Variants in TMEM256 observed in about 807,000 individuals in gnomAD.
TMEM256 encodes the protein UPF0451 protein C17orf61.
TMEM256 carries 14 observed loss-of-function variants against 14.8 expected under a neutral mutation model. That is an observed-to-expected ratio of 0.95 (90% confidence interval 0.63 to 1.48). The LOEUF is 1.48. Among genes scored for constraint, TMEM256 ranks in the 40% most tolerant of loss-of-function variants. The probability of loss-of-function intolerance (pLI) is 0.00; values close to 1 mark genes in which losing one functional copy is unlikely to be tolerated. For synonymous variants in TMEM256, 68 were observed against 60.7 expected (o/e 1.12, Z -0.56); for missense variants, 146 against 137.9 (o/e 1.06, Z -0.30).
chr17:7,403,449 G>A, intron 2 of TMEM256, 59 bp from the exon 3 acceptor site: 1 of 1,553,488 alleles, frequency 6.4e-7, no homozygotes, highest in Non-Finnish European at 8.9e-7. Flanking sequence ...GAGATCCCCT[G>A]ATGACACAAG....
chr17:7,403,679 G>C lies in TMEM256; in HGVS notation c.96C>G (p.Phe32Leu), dbSNP rs1464540403. ...FASYGAHGAQFPDAYGKELFD... is the reference protein window; with the variant it reads ...FASYGAHGAQLPDAYGKELFD... Reference sequence around the variant, plus strand: ...TCACCTCCTTCCCGTAGGCATCTGGGAATTGGGCGCCTGTGGAGAAAAGAA... The same window carrying C: ...TCACCTCCTTCCCGTAGGCATCTGGCAATTGGGCGCCTGTGGAGAAAAGAA... Residue 32 changes from phenylalanine to leucine, a missense_variant, in exon 2 of 4, where the codon TTC becomes TTG. Physicochemically the swap from Phe to Leu is conservative, Grantham distance 22 (BLOSUM62 0). Transcript: ENST00000302422. 6.2e-7 allele frequency: 1 copy of C among 1,613,492 alleles called. No individual in the cohort carries two copies. Among genetic ancestry groups the C allele is most frequent in the African/African-American group, 1.3e-5 (1 of 74,648 alleles).
In TMEM256 at chr17:7,402,998, C is replaced by T; in HGVS notation, c.*68G>A. The T allele has an allele frequency of 6.5e-7, 1 of 1,540,088 alleles. No homozygotes were observed. Among genetic ancestry groups the T allele is most frequent in the Non-Finnish European group, 8.7e-7 (1 of 1,148,280 alleles). On this transcript the variant is annotated 3_prime_UTR_variant, in exon 4 of 4. Coordinates refer to ENST00000302422, the MANE Select transcript of TMEM256 (RefSeq NM_152766.5). ...AGTTTATTTGCCTTTCCTTTTTAATCCTCTTCTTACTCCAACTCTTTAAAA... is the reference window on the plus strand; with the variant it reads ...AGTTTATTTGCCTTTCCTTTTTAATTCTCTTCTTACTCCAACTCTTTAAAA...
In TMEM256 at chr17:7,404,011, T is replaced by C; in HGVS notation, c.74A>G (p.Tyr25Cys). 4 of 1,598,378 alleles carry C rather than the reference T, an allele frequency of 2.5e-6. No individual in the cohort carries two copies. Among genetic ancestry groups the C allele is most frequent in the Non-Finnish European group, 1.7e-6 (2 of 1,172,414 alleles). ...CCCAGCCCCCTGACCGTGCGCCCCGTAGGAAGCGAAGCCTAAGGCCGCAGC... is the reference window on the plus strand; with the variant it reads ...CCCAGCCCCCTGACCGTGCGCCCCGCAGGAAGCGAAGCCTAAGGCCGCAGC... The part of the protein sequence containing the change: ...SGAAALGFAS[Y>C]GAHGAQFPDA... The change falls in exon 1 of 4, where the codon TAC becomes TGC. Residue 25 changes from tyrosine (Y) to cysteine (C), a missense_variant. Physicochemically the swap from Tyr to Cys is radical, Grantham distance 194 (BLOSUM62 -2). Coordinates refer to ENST00000302422, the MANE Select transcript of TMEM256 (RefSeq NM_152766.5).
In TMEM256 at chr17:7,403,304, G is replaced by C. The variant is rs753120779; in HGVS notation, c.198+6C>G. 1 of 1,614,212 alleles carries C rather than the reference G, an allele frequency of 6.2e-7. No homozygotes were observed. Among genetic ancestry groups the C allele is most frequent in the Admixed American group, 1.7e-5 (1 of 60,036 alleles). On this transcript the variant is annotated splice_donor_region_variant and intron_variant, in intron 3 of 3. Transcript: ENST00000302422. ...TTGGTCAGGGTTAGGCGCAGGGAAA[G>C]ATTACCCAGAGTGGCTTTCTGCAAT...
intron 1 of TMEM256, 32 bp downstream of exon 1, chr17:7,403,968 T>A: frequency 6.5e-7 from 1 of 1,544,964 alleles, no homozygotes; most frequent in Non-Finnish European, 8.8e-7. Flanking sequence ...ACGCCCCAAG[T>A]ACAGTCCCAT....
Position 7,404,006 on chromosome 17 carries a change from C to A in TMEM256, c.79G>T (p.Ala27Ser). ...AAALGFASYGAHGAQFPDAYG... is the reference protein window; with the variant it reads ...AAALGFASYGSHGAQFPDAYG... The stretch of plus-strand genomic sequence containing the variant: ...TCGTCCCCAGCCCCCTGACCGTGCG[C>A]CCCGTAGGAAGCGAAGCCTAAGGCC... The change falls in exon 1 of 4, where the codon GCG (alanine) becomes TCG (serine). Residue 27 changes from alanine (A) to serine (S), a missense_variant. By Grantham distance (99) the Ala-to-Ser change is moderately conservative. Coordinates refer to ENST00000302422, the MANE Select transcript of TMEM256 (RefSeq NM_152766.5). 6.3e-7 allele frequency: 1 copy of A among 1,595,306 alleles called. No homozygotes were observed. Among genetic ancestry groups the A allele is most frequent in the Non-Finnish European group, 8.5e-7 (1 of 1,170,818 alleles).
chr17:7,402,994 T>C lies in TMEM256; in HGVS notation c.*72A>G. 2.6e-6 allele frequency: 4 copies of C among 1,536,706 alleles called. No homozygotes were observed. Among genetic ancestry groups the C allele is most frequent in the Non-Finnish European group, 3.5e-6 (4 of 1,146,502 alleles). On this transcript the variant is annotated 3_prime_UTR_variant, in exon 4 of 4. Coordinates refer to ENST00000302422, the MANE Select transcript of TMEM256 (RefSeq NM_152766.5). ...CCAAAGTTTATTTGCCTTTCCTTTT[T>C]AATCCTCTTCTTACTCCAACTCTTT...
rs1454327541 is a variant in TMEM256, at chr17:7,404,066, C to G, written c.19G>C (p.Ala7Pro). The G allele has an allele frequency of 3.1e-6, 5 of 1,596,896 alleles. No homozygotes were observed. Among genetic ancestry groups the G allele is most frequent in the Non-Finnish European group, 3.4e-6 (4 of 1,171,736 alleles). The change falls in exon 1 of 4, where the codon GCT (alanine) becomes CCT (proline). Residue 7 changes from alanine (A) to proline (P), a missense_variant. Ala to Pro is a conservative substitution (Grantham distance 27). Transcript: ENST00000302422. ...GACAAGGCGCCCAAGCGGCGGAAAG[C>G]TGCAGCTGGCCCGGCCATAGCTGTA... MAGPAA[A>P]FRRLGALSGA... is the part of the protein sequence containing the mutation.
At position 7,403,679 on chromosome 17, in the gene TMEM256, G is replaced by GA; in HGVS notation, c.95dup (p.Asp34ArgfsTer9). ...TCACCTCCTTCCCGTAGGCATCTGG[G>GA]AATTGGGCGCCTGTGGAGAAAAGAA... On this transcript the variant is annotated frameshift_variant, in exon 2 of 4. Transcript: ENST00000302422. LOFTEE classifies it high-confidence loss of function. The GA allele has an allele frequency of 1.2e-6, 2 of 1,613,610 alleles. No homozygotes were observed. The highest frequency in any genetic ancestry group is 1.7e-6 in the Non-Finnish European group (2 of 1,179,984).
rs767476870 is a variant in TMEM256, at chr17:7,403,134, T to C, written c.274A>G (p.Ser92Gly). The C allele has an allele frequency of 1.2e-6, 2 of 1,614,026 alleles. No homozygotes were observed. Among genetic ancestry groups the C allele is most frequent in the African/African-American group, 2.7e-5 (2 of 74,916 alleles). ...CCCGCAGGGGCCAAAGTCTGGATGC[T>C]GGGGTCTCCACTCAGAGCCTGGTAG... ...FYYQALSGDP[S>G]IQTLAPAGGT... is the part of the protein sequence containing the mutation. The change falls in exon 4 of 4, where the codon AGC (serine) becomes GGC (glycine). Residue 92 changes from serine (S) to glycine (G), a missense_variant. Physicochemically the swap from Ser to Gly is moderately conservative, Grantham distance 56. Transcript: ENST00000302422.
At chr17:7,403,828 C>A in intron 1 of TMEM256, 139 bp from the exon 2 acceptor site, 1 of 1,202,132 alleles carries the variant, frequency 8.3e-7, no homozygotes, top group Non-Finnish European at 1.1e-6. Flanking sequence ...TGGGAACACG[C>A]TCGGGCAGTA....
chr17:7,404,051 C>A lies in TMEM256; in HGVS notation c.34G>T (p.Gly12Cys). The change falls in exon 1 of 4, where the codon GGC becomes TGC. Residue 12 changes from glycine (G) to cysteine (C), a missense_variant. Physicochemically the swap from Gly to Cys is radical, Grantham distance 159. Transcript: ENST00000302422. ...AAGGCCGCAGCTCCGGACAAGGCGC[C>A]CAAGCGGCGGAAAGCTGCAGCTGGC... ...AGPAAAFRRL[G>C]ALSGAAALGF... 1.2e-6 allele frequency: 2 copies of A among 1,601,304 alleles called. No homozygotes were observed. The highest frequency in any genetic ancestry group is 8.5e-7 in the Non-Finnish European group (1 of 1,174,050).
intron 3 of TMEM256, 23 bp downstream of exon 3, chr17:7,403,287 G>A (rs1819461438): frequency 6.2e-7 from 1 of 1,614,062 alleles, no homozygotes; most frequent in South Asian, 1.1e-5. Flanking sequence ...GCTTGGTCAG[G>A]GTTAGGCGCA....
intron 1 of TMEM256, 102 bp from the exon 2 acceptor site, chr17:7,403,791 C>CCCA (rs1555547300): frequency 1.9e-6 from 2 of 1,045,732 alleles, no homozygotes; most frequent in Admixed American, 2.4e-5. Context: ...GGCACCCCCC[C>CCCA]CCCCGCCCCA....
intron 2 of TMEM256, 55 bp from the exon 3 acceptor site, chr17:7,403,445 C>T: frequency 6.4e-7 from 1 of 1,567,734 alleles, no homozygotes; most frequent in Non-Finnish European, 8.8e-7. Context: ...TACTGAGATC[C>T]CCTGATGACA....
At position 7,403,367 on chromosome 17, in the gene TMEM256, G is replaced by T. The variant is rs778596498; in HGVS notation, c.141C>A (p.His47Gln). ...GKELFDKANK[H>Q]HFLHSLALLG... The stretch of plus-strand genomic sequence containing the variant: ...ACAGGGCCAGGCTGTGTAAGAAGTG[G>T]TGTTTGTTGGCCTTGTCAAACAGCT... The change falls in exon 3 of 4, where the codon CAC becomes CAA. Residue 47 changes from histidine to glutamine, a missense_variant. Transcript: ENST00000302422. The T allele has an allele frequency of 6.2e-7, 1 of 1,614,178 alleles. No homozygotes were observed. The highest frequency in any genetic ancestry group is 8.5e-7 in the Non-Finnish European group (1 of 1,180,032).
intron 2 of TMEM256, 116 bp downstream of exon 2, chr17:7,403,542 C>A (rs1303368263): frequency 6.5e-7 from 1 of 1,537,786 alleles, no homozygotes; most frequent in Non-Finnish European, 8.9e-7. Context: ...TTGGCCTTTG[C>A]TGCTCCAGAG....
chr17:7,403,507 C>T (rs1283340159), intron 2 of TMEM256, 117 bp from the exon 3 acceptor site: 1 of 1,491,296 alleles, frequency 6.7e-7, no homozygotes, highest in African/African-American at 1.4e-5. Flanking sequence ...CCAGCTTGAT[C>T]CCAGGCCTTT....
In TMEM256 at chr17:7,402,999, C is replaced by A; in HGVS notation, c.*67G>T. 1 of 1,540,704 alleles carries A rather than the reference C, an allele frequency of 6.5e-7. No homozygotes were observed. Among genetic ancestry groups the A allele is most frequent in the South Asian group, 1.2e-5 (1 of 80,728 alleles). On this transcript the variant is annotated 3_prime_UTR_variant, in exon 4 of 4. Coordinates refer to ENST00000302422, the MANE Select transcript of TMEM256 (RefSeq NM_152766.5). ...GTTTATTTGCCTTTCCTTTTTAATC[C>A]TCTTCTTACTCCAACTCTTTAAAAA...
Sources: gnomAD v4.1 joint callset for allele counts on GRCh38, gnomAD v4.1.1 for gene constraint, MANE v1.5 for transcripts, NCBI Gene and HGNC (gene_info 2026-07-23, HGNC 2026-07-21) for gene names.